Variants in CNTNAP4 observed in about 807,000 individuals in gnomAD.
CNTNAP4 encodes the protein contactin associated protein family member 4.
A neutral mutation model predicts 148.4 loss-of-function variants in CNTNAP4; 98 were observed. The ratio of observed to expected loss-of-function variants is 0.66; its 90% CI spans 0.56 to 0.78. CNTNAP4 has a LOEUF of 0.78. Among genes scored for constraint, CNTNAP4 ranks in the 30% least tolerant of loss-of-function variants. CNTNAP4 has a pLI of 0.00. For missense variants in CNTNAP4, 1,935 were observed against 1,565.6 expected (o/e 1.24, Z -3.98); for synonymous variants, 730 against 565.1 (o/e 1.29, Z -4.14).
chr16:76,418,280 T>G lies in CNTNAP4; in HGVS notation c.391-9172T>G, dbSNP rs562656910. Reference sequence around the variant, plus strand: ...ATTGCCCACAATTCTTGATACTATCTTATGCTTTTCTTTTTTCTTTTTCTA... The same window carrying G: ...ATTGCCCACAATTCTTGATACTATCGTATGCTTTTCTTTTTTCTTTTTCTA... On this transcript the variant is annotated intron_variant, in intron 3 of 23. Coordinates refer to ENST00000611870, the MANE Select transcript of CNTNAP4 (RefSeq NM_033401.5). Among the ~76,000 whole-genome samples, 4 of 151,252 alleles carry G rather than the reference T, an allele frequency of 2.6e-5. No individual in the cohort carries two copies. In the South Asian group the frequency reaches 6.2e-4, roughly 24 times the overall value.
chr16:76,522,687 C>CTTTCTTTTCTTTTTTCTTTTCT lies in CNTNAP4; in HGVS notation c.2755+443_2755+444insTTCTTTTCTTTTCTTTTCTTTT, dbSNP rs2083523317. The stretch of plus-strand genomic sequence containing the variant: ...CTTTCCTTCTTTCTCTCTTTCTCTC[C>CTTTCTTTTCTTTTTTCTTTTCT]TTTCTTTTCTTTTCTTTTCTTTTCT... On this transcript the variant is annotated intron_variant, in intron 17 of 23. Coordinates refer to ENST00000611870, the MANE Select transcript of CNTNAP4 (RefSeq NM_033401.5). Among the ~76,000 whole-genome samples the CTTTCTTTTCTTTTTTCTTTTCT allele has an allele frequency of 3.1e-3, 94 of 30,124 alleles. 10 individuals carry two copies. The highest frequency in any genetic ancestry group is 5.4e-3 in the Non-Finnish European group (82 of 15,186). The allele number at this position is 30,124 out of a possible 152,430, so 19.8% of individuals were successfully genotyped here. A position where few individuals can be genotyped will look rare whatever the true frequency, so the allele number is the denominator to read the frequency against.
intron 3 of CNTNAP4, among the ~76,000 whole-genome samples, chr16:76,408,735 G>C (rs62051218): frequency 6.6e-6 from 1 of 151,864 alleles, no homozygotes; most frequent in East Asian, 1.9e-4. Context: ...CTGGAAAACA[G>C]CATTTTATTA....
intron 11 of CNTNAP4, among the ~76,000 whole-genome samples, chr16:76,478,205 A>C (rs2081662233): frequency 6.6e-6 from 1 of 152,232 alleles, no homozygotes; most frequent in Non-Finnish European, 1.5e-5. Context: ...AGTCTCATCC[A>C]ATCCTTTTCC....
chr16:76,429,368 C>T (rs944280546), intron 4 of CNTNAP4, among the ~76,000 whole-genome samples: 1 of 152,114 alleles, frequency 6.6e-6, no homozygotes, highest in Non-Finnish European at 1.5e-5. Context: ...TTCAGAACAT[C>T]CACCTTGCAA....
At chr16:76,324,259 A>G (rs1376694559) in intron 2 of CNTNAP4, among the ~76,000 whole-genome samples, 1 of 152,240 alleles carries the variant, frequency 6.6e-6, no homozygotes, top group Non-Finnish European at 1.5e-5. Flanking sequence ...AATTTGGTCA[A>G]TTAAAATATA....
At chr16:76,447,864 G>T (rs1012082916) in intron 4 of CNTNAP4, 148 bp from the exon 5 acceptor site, 8 of 612,942 alleles carry the variant, frequency 1.3e-5, no homozygotes, top group African/African-American at 3.7e-5. Context: ...GGTTTATCAG[G>T]ATATAACTCC....
At chr16:76,540,966 G>A (rs542853747) in intron 21 of CNTNAP4, among the ~76,000 whole-genome samples, 176 bp downstream of exon 21, 18 of 152,224 alleles carry the variant, frequency 1.2e-4, no homozygotes, top group African/African-American at 3.1e-4. Flanking sequence ...GAGTAGGGGC[G>A]TCCTGTGTGA....
intron 4 of CNTNAP4, among the ~76,000 whole-genome samples, chr16:76,445,259 G>C (rs935950613): frequency 6.6e-6 from 1 of 152,118 alleles, no homozygotes; most frequent in African/African-American, 2.4e-5. Flanking sequence ...AGTGACTCCA[G>C]CCTTCTGTTA....
At chr16:76,425,445 T>TCCC in intron 3 of CNTNAP4, among the ~76,000 whole-genome samples, 1 of 152,292 alleles carries the variant, frequency 6.6e-6, no homozygotes, top group East Asian at 1.9e-4. Context: ...ATGTTCTAGG[T>TCCC]GTTACGGATG....
intron 1 of CNTNAP4, among the ~76,000 whole-genome samples, chr16:76,281,083 C>T (rs1234801111): frequency 6.6e-6 from 1 of 152,038 alleles, no homozygotes; most frequent in African/African-American, 2.4e-5. Context: ...TATCTGATAC[C>T]TACCCTAAAA....
chr16:76,366,478 G>A (rs930459862), intron 3 of CNTNAP4, among the ~76,000 whole-genome samples: 3 of 152,012 alleles, frequency 2.0e-5, no homozygotes, highest in East Asian at 1.9e-4. Context: ...CTTTTCTTAC[G>A]GCTGCATAGT....
intron 21 of CNTNAP4, among the ~76,000 whole-genome samples, chr16:76,549,217 C>G (rs563994877): frequency 6.6e-6 from 1 of 152,164 alleles, no homozygotes; most frequent in South Asian, 2.1e-4. Context: ...TTACAGAGGT[C>G]CCTGGGCCCC....
At chr16:76,516,249 A>G (rs2083248690) in intron 15 of CNTNAP4, among the ~76,000 whole-genome samples, 1 of 152,176 alleles carries the variant, frequency 6.6e-6, no homozygotes, top group African/African-American at 2.4e-5. Flanking sequence ...AGATTCATCC[A>G]CGTCCCTGCA....
chr16:76,462,151 A>C (rs747123110), intron 9 of CNTNAP4, 46 bp downstream of exon 9: 17 of 1,531,818 alleles, frequency 1.1e-5, no homozygotes, highest in Admixed American at 1.1e-4. Context: ...CCATATTTGC[A>C]TTAGTGCCCC....
At chr16:76,556,904 C>T (rs887622377) in intron 23 of CNTNAP4, among the ~76,000 whole-genome samples, 2 of 152,108 alleles carry the variant, frequency 1.3e-5, no homozygotes, top group Non-Finnish European at 1.5e-5. Flanking sequence ...TCTAATTGGC[C>T]AGGGTGAATC....
chr16:76,353,185 G>A (rs1056864157), intron 2 of CNTNAP4, among the ~76,000 whole-genome samples: 1 of 152,108 alleles, frequency 6.6e-6, no homozygotes, highest in African/African-American at 2.4e-5. Context: ...TTTGACACAT[G>A]GAGTGGAATA....
chr16:76,281,304 T>C (rs918629918), intron 1 of CNTNAP4, among the ~76,000 whole-genome samples: 2 of 152,114 alleles, frequency 1.3e-5, no homozygotes, highest in African/African-American at 4.8e-5. Flanking sequence ...AATATAATTC[T>C]ATGAGGCAAT....
At chr16:76,520,339 AAAG>A (rs1212545627) in intron 15 of CNTNAP4, among the ~76,000 whole-genome samples, 4 of 152,232 alleles carry the variant, frequency 2.6e-5, no homozygotes, top group African/African-American at 9.6e-5. Context: ...AGATATGAAA[AAAG>A]GAGTGAGAAA....
intron 7 of CNTNAP4, 79 bp downstream of exon 7, chr16:76,449,937 C>G: frequency 7.8e-7 from 1 of 1,280,674 alleles, no homozygotes; most frequent in Non-Finnish European, 1.1e-6. Flanking sequence ...TTTTAGGTTC[C>G]CATTTGACAT....
Sources: gnomAD v4.1 joint callset for allele counts (sites outside exome capture counted in the v4.1 genomes callset) on GRCh38, gnomAD v4.1.1 for gene constraint, MANE v1.5 for transcripts, NCBI Gene and HGNC (gene_info 2026-07-23, HGNC 2026-07-21) for gene names.